Variants in RAD51B observed in about 807,000 individuals in gnomAD.
The protein encoded by RAD51B is DNA repair protein RAD51 homolog 2.
RAD51B carries 38 observed loss-of-function variants against 42.2 expected under a neutral mutation model. That is an observed-to-expected ratio of 0.90 (90% confidence interval 0.70 to 1.18). The LOEUF is 1.18. Ranked by LOEUF, RAD51B falls within the 50% of genes most tolerant of loss-of-function variation. The pLI, the probability that RAD51B is intolerant of heterozygous loss-of-function variation, is 0.00. For synonymous variants in RAD51B, 154 were observed against 145.2 expected (o/e 1.06, Z -0.43); for missense variants, 373 against 400.7 (o/e 0.93, Z 0.59).
downstream of RAD51B, among the ~76,000 whole-genome samples, chr14:68,612,767 T>G (rs1891723779): frequency 6.7e-6 from 1 of 149,658 alleles, no homozygotes; most frequent in South Asian, 2.1e-4. Context: ...GTTACAGTGA[T>G]AAATTTTATG....
intron 10 of RAD51B, chr14:68,562,511 C>T (rs1466957739): frequency 1.0e-6 from 1 of 985,266 alleles, no homozygotes; most frequent in Non-Finnish European, 1.2e-6. Flanking sequence ...TTTCCCTCTG[C>T]AGGGTGGAGC....
chr14:68,511,071 T>C (rs1885696551), intron 10 of RAD51B, among the ~76,000 whole-genome samples: 1 of 152,254 alleles, frequency 6.6e-6, no homozygotes, highest in East Asian at 1.9e-4. Flanking sequence ...GGTCAGGTGC[T>C]CTTTCTCTCC....
At chr14:68,020,014 T>A (rs1453925822) in intron 7 of RAD51B, among the ~76,000 whole-genome samples, 2 of 152,228 alleles carry the variant, frequency 1.3e-5, no homozygotes, top group East Asian at 3.8e-4. Context: ...CTGAGCATAG[T>A]GTACCCAGCT....
chr14:67,911,175 T>C (rs2043967517), intron 7 of RAD51B, among the ~76,000 whole-genome samples: 1 of 152,162 alleles, frequency 6.6e-6, no homozygotes, highest in East Asian at 1.9e-4. Flanking sequence ...CCCTTGGTGA[T>C]GTTATTGAGC....
At chr14:67,921,366 C>T (rs529241103) in intron 7 of RAD51B, among the ~76,000 whole-genome samples, 3 of 152,146 alleles carry the variant, frequency 2.0e-5, no homozygotes, top group African/African-American at 7.2e-5. Flanking sequence ...AGCCACTGTG[C>T]CTGGTGGAAT....
At chr14:68,075,522 G>T (rs1238519192) in intron 7 of RAD51B, among the ~76,000 whole-genome samples, 1 of 152,184 alleles carries the variant, frequency 6.6e-6, no homozygotes, top group Non-Finnish European at 1.5e-5. Context: ...AGAGAGACTG[G>T]GCTCCCCTCC....
chr14:68,229,429 G>T (rs1476838944), intron 7 of RAD51B, among the ~76,000 whole-genome samples: 1 of 152,138 alleles, frequency 6.6e-6, no homozygotes, highest in East Asian at 1.9e-4. Context: ...AGAATAGTAC[G>T]TGCTAAGAAG....
intron 10 of RAD51B, among the ~76,000 whole-genome samples, chr14:68,572,595 A>G (rs1374245082): frequency 2.0e-5 from 3 of 152,092 alleles, no homozygotes; most frequent in East Asian, 3.9e-4. Flanking sequence ...AGCCACCCCA[A>G]TAACTCCTGC....
chr14:67,859,625 T>A (rs2042100922), intron 4 of RAD51B, among the ~76,000 whole-genome samples: 1 of 152,226 alleles, frequency 6.6e-6, no homozygotes, highest in Non-Finnish European at 1.5e-5. Context: ...AGTTTTTCCA[T>A]GACATTTAAA....
chr14:68,272,632 AC>A (rs1374913029), intron 7 of RAD51B, among the ~76,000 whole-genome samples: 2 of 44,526 alleles, frequency 4.5e-5, no homozygotes, highest in African/African-American at 2.1e-4. Context: ...GTTTATAAAC[AC>A]TTTATATATA....
At chr14:68,050,130 AG>A (rs2076368503) in intron 7 of RAD51B, among the ~76,000 whole-genome samples, 1 of 152,098 alleles carries the variant, frequency 6.6e-6, no homozygotes, top group Non-Finnish European at 1.5e-5. Context: ...TCTTACAGGC[AG>A]TATCATAAAG....
At chr14:68,675,369 G>A (rs1363601946) in intron 11 of RAD51B, among the ~76,000 whole-genome samples, 2 of 152,104 alleles carry the variant, frequency 1.3e-5, no homozygotes, top group African/African-American at 4.8e-5. Flanking sequence ...ATGACAGAGG[G>A]AAGTGACTCA....
At chr14:68,669,452 G>A (rs1893106500) in intron 11 of RAD51B, among the ~76,000 whole-genome samples, 1 of 152,220 alleles carries the variant, frequency 6.6e-6, no homozygotes, top group Non-Finnish European at 1.5e-5. Context: ...CTTGGGCCTA[G>A]GGGCAGGGAC....
At chr14:68,278,020 G>A (rs905041501) in intron 7 of RAD51B, among the ~76,000 whole-genome samples, 2 of 152,214 alleles carry the variant, frequency 1.3e-5, no homozygotes, top group Non-Finnish European at 2.9e-5. Flanking sequence ...TGGGATTACA[G>A]GCGTGAGCCA....
chr14:68,101,907 T>C (rs1322999330), intron 7 of RAD51B, among the ~76,000 whole-genome samples: 1 of 152,234 alleles, frequency 6.6e-6, no homozygotes, highest in Non-Finnish European at 1.5e-5. Flanking sequence ...TACATTAGAC[T>C]TCTGCCTGGA....
chr14:68,519,050 A>G (rs542530813), intron 10 of RAD51B, among the ~76,000 whole-genome samples: 83 of 152,196 alleles, frequency 5.5e-4, no homozygotes, highest in Middle Eastern at 6.8e-3. Flanking sequence ...CCTTTTCCCA[A>G]CTTCACAATC....
chr14:67,983,722 G>A (rs561426183), intron 7 of RAD51B, among the ~76,000 whole-genome samples: 1 of 152,192 alleles, frequency 6.6e-6, no homozygotes, highest in South Asian at 2.1e-4. Flanking sequence ...GTAGCAACAA[G>A]CACATTAACC....
At chr14:68,100,266 A>T (rs1385709475) in intron 7 of RAD51B, among the ~76,000 whole-genome samples, 4 of 152,200 alleles carry the variant, frequency 2.6e-5, no homozygotes, top group Admixed American at 2.6e-4. Context: ...TATAAGTCAT[A>T]TTGGATACTC....
At chr14:68,151,801 A>G (rs571881960) in intron 7 of RAD51B, among the ~76,000 whole-genome samples, 2 of 141,646 alleles carry the variant, frequency 1.4e-5, no homozygotes, top group South Asian at 4.6e-4. Flanking sequence ...GACTTTTCAA[A>G]CATGGACTAT....
Sources: allele counts gnomAD v4.1 joint callset (sites outside exome capture counted in the v4.1 genomes callset), GRCh38; gene constraint gnomAD v4.1.1; transcripts MANE v1.5; gene names NCBI Gene and HGNC (gene_info 2026-07-23, HGNC 2026-07-21).